The following GKAP1 variants were observed in gnomAD, a reference collection of about 807,000 sequenced individuals.
GKAP1 encodes G kinase anchoring protein 1.
GKAP1 carries 31 observed loss-of-function variants against 56.7 expected under a neutral mutation model. The ratio of observed to expected loss-of-function variants is 0.55; its 90% CI spans 0.41 to 0.74. GKAP1 has a LOEUF of 0.74. GKAP1 is among the 30% of genes least tolerant of loss of function. The pLI is 0.00. For missense variants in GKAP1, 364 were observed against 402.3 expected (o/e 0.90, Z 0.82); for synonymous variants, 151 against 138.6 (o/e 1.09, Z -0.63).
At chr9:83,762,048 T>C (rs1943581594) in intron 8 of GKAP1, among the ~76,000 whole-genome samples, 1 of 152,260 alleles carries the variant, frequency 6.6e-6, no homozygotes, top group Admixed American at 6.5e-5. Context: ...CTGGAAGTCC[T>C]AGCTAGAGTA....
intron 3 of GKAP1, among the ~76,000 whole-genome samples, chr9:83,801,060 T>C (rs1944323897): frequency 6.6e-6 from 1 of 152,198 alleles, no homozygotes. Flanking sequence ...ATTTGGAAAT[T>C]GGGTCTTTAC....
In GKAP1 at chr9:83,756,468, C is replaced by A. The variant is rs1211024955; in HGVS notation, c.739-3109G>T. On this transcript the variant is annotated intron_variant, in intron 8 of 12. Transcript: ENST00000376371. ...CCTGGGCAACACAGTGAGACTCCAT[C>A]TCAAAAAAAAAAAAAAAAAAAAAAG... Among the ~76,000 whole-genome samples the A allele has an allele frequency of 3.9e-4, 16 of 41,030 alleles. 1 individual carries two copies. The highest frequency in any genetic ancestry group is 1.9e-3 in the African/African-American group (14 of 7,502). 26.9% of individuals were successfully genotyped at this position (41,030 alleles called of 152,430 possible).
intron 7 of GKAP1, among the ~76,000 whole-genome samples, chr9:83,775,628 C>G (rs1178159984): frequency 5.3e-5 from 8 of 151,762 alleles, no homozygotes; most frequent in African/African-American, 1.9e-4. Flanking sequence ...GAAATCCCAA[C>G]ACTATGGGAG....
Position 83,739,567 on chromosome 9 carries a change from A to G in GKAP1, c.*130T>C. 1 of 553,230 alleles carries G rather than the reference A, an allele frequency of 1.8e-6. No individual in the cohort carries two copies. The highest frequency in any genetic ancestry group is 3.2e-6 in the Non-Finnish European group (1 of 313,640). 34.3% of individuals were successfully genotyped at this position (553,230 alleles called of 1,614,324 possible). A position where few individuals can be genotyped will look rare whatever the true frequency, so the allele number is the denominator to read the frequency against. On this transcript the variant is annotated 3_prime_UTR_variant, in exon 13 of 13. Coordinates refer to ENST00000376371, the MANE Select transcript of GKAP1 (RefSeq NM_025211.4). ...AAAAGAAATAAAATTATAGACCATT[A>G]GGGAGCTAGTTGCTTTTAGTTCCTT...
At chr9:83,806,154 T>C in intron 3 of GKAP1, 148 bp downstream of exon 3, 1 of 615,668 alleles carries the variant, frequency 1.6e-6, no homozygotes, top group Non-Finnish European at 2.8e-6. Context: ...ATTTTAAATA[T>C]ACACAAATTC....
chr9:83,802,933 C>A (rs570516957), intron 3 of GKAP1, among the ~76,000 whole-genome samples: 2 of 151,880 alleles, frequency 1.3e-5, no homozygotes, highest in African/African-American at 2.4e-5. Context: ...CATGATGAAA[C>A]CCTGTCTCTA....
chr9:83,780,995 T>C (rs1943962385), intron 6 of GKAP1, among the ~76,000 whole-genome samples: 1 of 152,152 alleles, frequency 6.6e-6, no homozygotes, highest in African/African-American at 2.4e-5. Flanking sequence ...AAACAAATTA[T>C]TGGCTTAGAA....
intron 10 of GKAP1, among the ~76,000 whole-genome samples, chr9:83,743,031 C>T (rs1447829467): frequency 9.2e-5 from 14 of 152,120 alleles, no homozygotes; most frequent in African/African-American, 2.2e-4. Flanking sequence ...GGTGTGGTGG[C>T]GCATGCCTGT....
chr9:83,793,707 G>C (rs1389197635), intron 4 of GKAP1, among the ~76,000 whole-genome samples: 2 of 152,268 alleles, frequency 1.3e-5, no homozygotes, highest in African/African-American at 4.8e-5. Flanking sequence ...AAATTAACAG[G>C]ACTCCAATAC....
intron 5 of GKAP1, among the ~76,000 whole-genome samples, chr9:83,787,842 C>T (rs1230924129): frequency 6.6e-6 from 1 of 152,172 alleles, no homozygotes; most frequent in African/African-American, 2.4e-5. Flanking sequence ...GCTGAGTTTT[C>T]AAGGCCAAAA....
At chr9:83,810,692 G>A (rs943348655) in intron 2 of GKAP1, among the ~76,000 whole-genome samples, 1 of 152,152 alleles carries the variant, frequency 6.6e-6, no homozygotes, top group African/African-American at 2.4e-5. Flanking sequence ...GTAAGTACTT[G>A]AGCAACCTAC....
intron 7 of GKAP1, among the ~76,000 whole-genome samples, chr9:83,775,286 C>T (rs567008653): frequency 7.2e-5 from 11 of 152,220 alleles, no homozygotes; most frequent in African/African-American, 1.9e-4. Context: ...GCATTACAGG[C>T]GCCAGCCACC....
At chr9:83,749,127 T>C (rs775459577) in intron 9 of GKAP1, 1 of 152,172 alleles carries the variant, frequency 6.6e-6, no homozygotes, top group Admixed American at 6.5e-5. Context: ...ACAAAAAGGA[T>C]TGTGTTCCCA....
At chr9:83,793,595 C>A (rs536409113) in intron 4 of GKAP1, among the ~76,000 whole-genome samples, 7 of 152,096 alleles carry the variant, frequency 4.6e-5, no homozygotes, top group African/African-American at 1.7e-4. Context: ...CTTTATCACA[C>A]CTCCAAGCAA....
chr9:83,781,913 G>A (rs563789038), intron 6 of GKAP1, among the ~76,000 whole-genome samples: 10 of 146,534 alleles, frequency 6.8e-5, no homozygotes, highest in Admixed American at 2.1e-4. Context: ...GTACGATCTC[G>A]GCTCACTGCA....
chr9:83,806,828 CTCAA>C (rs1339196918), intron 2 of GKAP1, among the ~76,000 whole-genome samples: 2 of 152,156 alleles, frequency 1.3e-5, no homozygotes, highest in African/African-American at 4.8e-5. Flanking sequence ...GTCTTCCTCT[CTCAA>C]TCATTCTGAA....
Position 83,809,870 on chromosome 9 carries a change from T to C in GKAP1, c.-43-3310A>G, listed in dbSNP as rs953564202. ...TCGCCCAGGCTGGATTGCAGTAACA[T>C]GATTATGGCTCACTGCAGCCTCGAC... On this transcript the variant is annotated intron_variant, in intron 2 of 12. Transcript: ENST00000376371. 2.4e-4 allele frequency among the ~76,000 whole-genome samples: 36 copies of C among 152,354 alleles called. 1 individual carries two copies. The highest frequency in any genetic ancestry group is 1.9e-4 in the East Asian group (1 of 5,184).
chr9:83,765,681 G>T (rs1943650802), intron 8 of GKAP1, among the ~76,000 whole-genome samples: 1 of 152,178 alleles, frequency 6.6e-6, no homozygotes, highest in African/African-American at 2.4e-5. Flanking sequence ...GATCATTTCG[G>T]AACTTTAAGG....
intron 8 of GKAP1, among the ~76,000 whole-genome samples, chr9:83,767,418 G>A (rs1186694385): frequency 6.6e-6 from 1 of 151,348 alleles, no homozygotes; most frequent in Non-Finnish European, 1.5e-5. Context: ...AGAGTGCAGT[G>A]GTGTGATCTT....
Sources: allele counts gnomAD v4.1 joint callset (sites outside exome capture counted in the v4.1 genomes callset), GRCh38; gene constraint gnomAD v4.1.1; transcripts MANE v1.5; gene names NCBI Gene and HGNC (gene_info 2026-07-23, HGNC 2026-07-21).